Variants in EYS observed in about 807,000 individuals in gnomAD.
EYS encodes protein eyes shut homolog.
EYS carries 250 observed loss-of-function variants against 282.1 expected under a neutral mutation model. The observed-to-expected ratio is 0.89, with a 90% CI of 0.80 to 0.98. EYS has a LOEUF of 0.98. Among genes scored for constraint, EYS ranks in the 50% least tolerant of loss-of-function variants. The pLI, the probability that EYS is intolerant of heterozygous loss-of-function variation, is 0.00. For synonymous variants in EYS, 1,355 were observed against 1,282.9 expected (o/e 1.06, Z -1.20); for missense variants, 4,016 against 3,709.0 (o/e 1.08, Z -2.15).
chr6:65,287,381 T>C (rs1768396407), intron 12 of EYS, among the ~76,000 whole-genome samples: 1 of 151,498 alleles, frequency 6.6e-6, no homozygotes. Flanking sequence ...GGTTATTTTA[T>C]AACACTTTAA....
At chr6:63,935,915 C>A (rs1224358730) in intron 35 of EYS, among the ~76,000 whole-genome samples, 1 of 152,114 alleles carries the variant, frequency 6.6e-6, no homozygotes, top group Non-Finnish European at 1.5e-5. Context: ...GGTCAAACAG[C>A]CAGGGTTTGG....
At chr6:64,505,609 T>C (rs1221839430) in intron 26 of EYS, among the ~76,000 whole-genome samples, 2 of 152,190 alleles carry the variant, frequency 1.3e-5, no homozygotes, top group Admixed American at 1.3e-4. Context: ...ACTTGTCTTT[T>C]TATTTTTTTG....
intron 12 of EYS, among the ~76,000 whole-genome samples, chr6:65,178,758 ATTC>A (rs1343517270): frequency 1.3e-5 from 2 of 152,070 alleles, no homozygotes; most frequent in Non-Finnish European, 2.9e-5. Flanking sequence ...CAGAATATAC[ATTC>A]TTCTCAGCAC....
chr6:64,456,348 C>A (rs9353822), intron 26 of EYS, among the ~76,000 whole-genome samples: 36,645 of 151,976 alleles, frequency 0.24, 4,963 homozygotes, highest in East Asian at 0.39. Context: ...CATTTCACTT[C>A]TCCACTTTCC....
At chr6:64,416,546 T>G (rs997298593) in intron 28 of EYS, among the ~76,000 whole-genome samples, 1 of 150,374 alleles carries the variant, frequency 6.7e-6, no homozygotes, top group Non-Finnish European at 1.5e-5. Context: ...TCCTCTGGTT[T>G]GTTTTGTCTT....
intron 41 of EYS, 25 bp from the exon 42 acceptor site, chr6:63,726,705 T>G: frequency 2.0e-6 from 3 of 1,537,692 alleles, no homozygotes; most frequent in Non-Finnish European, 1.8e-6. Flanking sequence ...GAAAGAGAAC[T>G]CTGGGAGTTA....
chr6:65,617,283 T>C (rs1238582368), intron 2 of EYS, among the ~76,000 whole-genome samples: 1 of 152,158 alleles, frequency 6.6e-6, no homozygotes, highest in Non-Finnish European at 1.5e-5. Context: ...TGAACGAAGC[T>C]ATTGATTTAC....
At chr6:65,604,991 G>T (rs1765736461) in intron 2 of EYS, among the ~76,000 whole-genome samples, 1 of 150,180 alleles carries the variant, frequency 6.7e-6, no homozygotes, top group African/African-American at 2.5e-5. Flanking sequence ...CTAAACATAT[G>T]GCCGACCATG....
intron 31 of EYS, among the ~76,000 whole-genome samples, chr6:64,229,044 G>A (rs976644114): frequency 1.3e-5 from 2 of 152,072 alleles, no homozygotes; most frequent in African/African-American, 2.4e-5. Context: ...AGGCTGAGGC[G>A]GGTGGATCAC....
At chr6:64,392,611 G>A (rs1047442824) in intron 28 of EYS, among the ~76,000 whole-genome samples, 2 of 151,330 alleles carry the variant, frequency 1.3e-5, no homozygotes, top group African/African-American at 4.9e-5. Flanking sequence ...CAGAATCTCT[G>A]GGACGCATTC....
chr6:64,743,634 ATAACT>A (rs1266344285), intron 22 of EYS, among the ~76,000 whole-genome samples: 1 of 152,158 alleles, frequency 6.6e-6, no homozygotes, highest in African/African-American at 2.4e-5. Context: ...CAGCATGGAA[ATAACT>A]TAGGATATTT....
intron 26 of EYS, among the ~76,000 whole-genome samples, chr6:64,479,624 T>C (rs1357342831): frequency 6.6e-6 from 1 of 151,964 alleles, no homozygotes; most frequent in African/African-American, 2.4e-5. Flanking sequence ...TAACCTTGCC[T>C]TAGTCTACAG....
intron 31 of EYS, among the ~76,000 whole-genome samples, chr6:64,125,177 G>GCGCGCGCGCTCTCTCTCTCTCT (rs1562213606): frequency 7.4e-6 from 1 of 134,324 alleles, no homozygotes; most frequent in African/African-American, 2.9e-5. Flanking sequence ...TCTCTCTCTC[G>GCGCGCGCGCTCTCTCTCTCTCT]CTCTCTCTCT....
chr6:64,411,564 T>G (rs1773891888), intron 28 of EYS, among the ~76,000 whole-genome samples: 1 of 152,082 alleles, frequency 6.6e-6, no homozygotes, highest in African/African-American at 2.4e-5. Context: ...TAAAATAGGC[T>G]GAGTGGCATG....
chr6:63,937,602 C>T (rs1026120030), intron 35 of EYS, among the ~76,000 whole-genome samples: 9 of 151,534 alleles, frequency 5.9e-5, no homozygotes, highest in African/African-American at 1.9e-4. Context: ...AGGATGGTCT[C>T]AATCTCCTGA....
intron 41 of EYS, among the ~76,000 whole-genome samples, chr6:63,740,884 A>G (rs557761593): frequency 2.0e-5 from 3 of 152,314 alleles, no homozygotes; most frequent in East Asian, 3.9e-4. Context: ...AGTAGCATCT[A>G]TCATCATTAA....
At chr6:64,963,096 T>G (rs1210171959) in intron 14 of EYS, among the ~76,000 whole-genome samples, 2 of 152,166 alleles carry the variant, frequency 1.3e-5, no homozygotes, top group Admixed American at 1.3e-4. Flanking sequence ...CAGACAATGG[T>G]TTATCTTTCT....
intron 12 of EYS, among the ~76,000 whole-genome samples, chr6:65,238,889 G>A (rs1766990456): frequency 6.6e-6 from 1 of 151,800 alleles, no homozygotes; most frequent in South Asian, 2.1e-4. Flanking sequence ...ATGCTACAAT[G>A]ACAAGTCAGT....
chr6:63,935,922 T>A (rs1001480011), intron 35 of EYS, among the ~76,000 whole-genome samples: 5 of 152,178 alleles, frequency 3.3e-5, no homozygotes, highest in African/African-American at 1.2e-4. Context: ...CAGCCAGGGT[T>A]TGGAATGTAG....
Sources: gnomAD v4.1 joint callset for allele counts (sites outside exome capture counted in the v4.1 genomes callset) on GRCh38, gnomAD v4.1.1 for gene constraint, MANE v1.5 for transcripts, NCBI Gene and HGNC (gene_info 2026-07-23, HGNC 2026-07-21) for gene names.